WWOX: variants seen among roughly 807,000 people sequenced by gnomAD.
WWOX encodes the protein WW domain-containing oxidoreductase.
A neutral mutation model predicts 46.2 loss-of-function variants in WWOX; 69 were observed. That is an observed-to-expected ratio of 1.49 (90% CI 1.23 to 1.82). The LOEUF (loss-of-function observed/expected upper bound fraction) is 1.82. Among genes scored for constraint, WWOX ranks in the 40% most tolerant of loss-of-function variants. WWOX has a pLI of 0.00. For synonymous variants in WWOX, 359 were observed against 202.6 expected (o/e 1.77, Z -6.56); for missense variants, 919 against 542.6 (o/e 1.69, Z -6.89).
chr16:78,249,559 A>C (rs2037923968), intron 5 of WWOX, among the ~76,000 whole-genome samples: 1 of 152,118 alleles, frequency 6.6e-6, no homozygotes, highest in South Asian at 2.1e-4. Context: ...CTGAGTTTTT[A>C]ATGTGGCAGC....
At chr16:78,592,582 G>A (rs2045376673) in intron 8 of WWOX, among the ~76,000 whole-genome samples, 1 of 152,116 alleles carries the variant, frequency 6.6e-6, no homozygotes, top group Non-Finnish European at 1.5e-5. Flanking sequence ...GCCTCAGTGG[G>A]GTTGCTTCTT....
chr16:79,046,838 A>G (rs2048074940), intron 8 of WWOX, among the ~76,000 whole-genome samples: 1 of 151,838 alleles, frequency 6.6e-6, no homozygotes, highest in African/African-American at 2.4e-5. Flanking sequence ...TTTGTGTCCA[A>G]CTCTTCTTCC....
At chr16:78,402,318 C>G (rs768288644) in intron 6 of WWOX, among the ~76,000 whole-genome samples, 16 of 152,058 alleles carry the variant, frequency 1.1e-4, no homozygotes, top group Non-Finnish European at 2.4e-4. Flanking sequence ...TACTTCATTT[C>G]TTTTTATGGC....
chr16:78,672,526 C>G (rs2738611), intron 8 of WWOX, among the ~76,000 whole-genome samples: 3 of 152,182 alleles, frequency 2.0e-5, no homozygotes, highest in Non-Finnish European at 2.9e-5. Context: ...GGTCATTAGG[C>G]CCAGAGTCGG....
At chr16:78,814,455 C>A (rs1449186875) in intron 8 of WWOX, among the ~76,000 whole-genome samples, 1 of 151,364 alleles carries the variant, frequency 6.6e-6, no homozygotes, top group African/African-American at 2.4e-5. Flanking sequence ...ATGAAACTAC[C>A]AAGAAGCCTC....
intron 4 of WWOX, among the ~76,000 whole-genome samples, chr16:78,138,466 A>G (rs1352299513): frequency 6.6e-6 from 1 of 152,172 alleles, no homozygotes; most frequent in Admixed American, 6.6e-5. Context: ...TGAATCTGGC[A>G]CTTATCTTTC....
intron 8 of WWOX, among the ~76,000 whole-genome samples, chr16:78,630,443 T>C (rs917738292): frequency 1.3e-5 from 2 of 152,234 alleles, no homozygotes; most frequent in Admixed American, 6.5e-5. Context: ...AATTTTGTTA[T>C]ATGCTACAGA....
intron 5 of WWOX, among the ~76,000 whole-genome samples, chr16:78,371,757 A>C (rs2081695047): frequency 6.6e-6 from 1 of 152,054 alleles, no homozygotes; most frequent in South Asian, 2.1e-4. Context: ...TATACTAGCT[A>C]TTCTGCTTTC....
chr16:78,170,056 C>G (rs16947213), intron 5 of WWOX, among the ~76,000 whole-genome samples: 7,966 of 152,166 alleles, frequency 0.052, 339 homozygotes, highest in East Asian at 0.25. Context: ...ATTTGACTCA[C>G]CCCTGACTTC....
At chr16:78,402,646 T>A (rs537047168) in intron 6 of WWOX, among the ~76,000 whole-genome samples, 1 of 152,182 alleles carries the variant, frequency 6.6e-6, no homozygotes, top group Non-Finnish European at 1.5e-5. Flanking sequence ...GCATTTTTCC[T>A]GGGGAGAAAC....
intron 8 of WWOX, among the ~76,000 whole-genome samples, chr16:79,090,320 A>T (rs1316931088): frequency 8.4e-6 from 1 of 118,586 alleles, no homozygotes; most frequent in African/African-American, 3.1e-5. Context: ...TGTGTGTGTG[A>T]TATAATGTGT....
intron 8 of WWOX, among the ~76,000 whole-genome samples, chr16:78,439,828 C>G (rs926889830): frequency 3.9e-5 from 6 of 152,184 alleles, no homozygotes; most frequent in Non-Finnish European, 7.3e-5. Flanking sequence ...TTACTTTTCC[C>G]TCATGCTTAC....
At chr16:78,724,497 T>G (rs982066671) in intron 8 of WWOX, among the ~76,000 whole-genome samples, 2 of 152,220 alleles carry the variant, frequency 1.3e-5, no homozygotes, top group South Asian at 4.1e-4. Context: ...TGTTTACGGT[T>G]ACTGATATTA....
chr16:79,019,475 A>G (rs778271642), intron 8 of WWOX, among the ~76,000 whole-genome samples: 12 of 152,302 alleles, frequency 7.9e-5, no homozygotes, highest in Non-Finnish European at 1.3e-4. Context: ...ATAGTACAGT[A>G]AAAATATGAT....
chr16:78,721,968 C>G (rs1372036187), intron 8 of WWOX, among the ~76,000 whole-genome samples: 1 of 152,232 alleles, frequency 6.6e-6, no homozygotes, highest in Non-Finnish European at 1.5e-5. Context: ...TATTAAGCAG[C>G]CATGTATGTA....
intron 8 of WWOX, among the ~76,000 whole-genome samples, chr16:78,556,830 C>T (rs986379311): frequency 6.6e-6 from 1 of 151,966 alleles, no homozygotes; most frequent in African/African-American, 2.4e-5. Flanking sequence ...GCAATTCTCG[C>T]ACCTCAGCCT....
chr16:78,210,508 C>G (rs2036527152), intron 5 of WWOX, among the ~76,000 whole-genome samples: 1 of 152,100 alleles, frequency 6.6e-6, no homozygotes, highest in African/African-American at 2.4e-5. Context: ...CACAGACACA[C>G]ACTCTCTCTC....
chr16:79,032,305 C>G (rs1181658611), intron 8 of WWOX, among the ~76,000 whole-genome samples: 1 of 144,418 alleles, frequency 6.9e-6, no homozygotes, highest in Non-Finnish European at 1.5e-5. Context: ...ATAATGTAGA[C>G]TCTAATATGT....
chr16:79,051,160 G>C (rs1294722084), intron 8 of WWOX, among the ~76,000 whole-genome samples: 1 of 152,192 alleles, frequency 6.6e-6, no homozygotes, highest in African/African-American at 2.4e-5. Flanking sequence ...TAATATATGT[G>C]TGACTTGAAG....
Sources: allele counts gnomAD v4.1 joint callset (sites outside exome capture counted in the v4.1 genomes callset), GRCh38; gene constraint gnomAD v4.1.1; transcripts MANE v1.5; gene names NCBI Gene and HGNC (gene_info 2026-07-23, HGNC 2026-07-21).